Variants in UNC13C observed in about 807,000 individuals in gnomAD.
UNC13C encodes the protein protein unc-13 homolog C.
A neutral mutation model predicts 245.4 loss-of-function variants in UNC13C; 174 were observed. The ratio of observed to expected loss-of-function variants is 0.71; its 90% CI spans 0.63 to 0.80. UNC13C has a LOEUF of 0.80. UNC13C is among the 30% of genes least tolerant of loss of function. The probability of loss-of-function intolerance (pLI) is 0.00; values close to 1 mark genes in which losing one functional copy is unlikely to be tolerated. For synonymous variants in UNC13C, 992 were observed against 895.1 expected (o/e 1.11, Z -1.93); for missense variants, 2,829 against 2,602.9 (o/e 1.09, Z -1.89).
At chr15:53,982,231 C>T (rs1374530549) in intron 1 of UNC13C, among the ~76,000 whole-genome samples, 1 of 152,156 alleles carries the variant, frequency 6.6e-6, no homozygotes, top group Non-Finnish European at 1.5e-5. Flanking sequence ...CAGGATAAAA[C>T]ATACTTTGTT....
chr15:54,535,927 A>G (rs971510290), intron 26 of UNC13C, among the ~76,000 whole-genome samples: 2 of 152,126 alleles, frequency 1.3e-5, no homozygotes, highest in Non-Finnish European at 2.9e-5. Flanking sequence ...AAAAGCTAGG[A>G]AAACAAGAGT....
At chr15:53,980,896 A>G (rs17551796) in intron 1 of UNC13C, among the ~76,000 whole-genome samples, 52,507 of 152,032 alleles carry the variant, frequency 0.35, 10,871 homozygotes, top group Middle Eastern at 0.49. Context: ...ATGTGAAGCA[A>G]TATAGTTTGT....
the UNC13C span, among the ~76,000 whole-genome samples, chr15:53,962,224 C>T: frequency 6.6e-6 from 1 of 152,070 alleles, no homozygotes; most frequent in Non-Finnish European, 1.5e-5. Context: ...AAGCATTTTG[C>T]TGGCTTACAG....
chr15:54,392,591 T>TA (rs2039980770), intron 17 of UNC13C, among the ~76,000 whole-genome samples: 1 of 151,922 alleles, frequency 6.6e-6, no homozygotes, highest in African/African-American at 2.4e-5. Flanking sequence ...ACTGCTGATG[T>TA]AACTTTGAGC....
chr15:54,486,276 C>G (rs181286409), intron 19 of UNC13C, among the ~76,000 whole-genome samples: 4 of 150,928 alleles, frequency 2.7e-5, no homozygotes, highest in African/African-American at 9.8e-5. Flanking sequence ...CACACACACA[C>G]ACACACACAC....
At chr15:54,119,401 A>G (rs927674051) in intron 2 of UNC13C, among the ~76,000 whole-genome samples, 16 of 152,026 alleles carry the variant, frequency 1.1e-4, no homozygotes, top group African/African-American at 3.4e-4. Flanking sequence ...TACTATTGTA[A>G]TTGTTTTGGA....
chr15:54,632,375 T>A (rs2141333491), downstream of UNC13C: 1 of 152,296 alleles, frequency 6.6e-6, no homozygotes, highest in Middle Eastern at 3.4e-3. Context: ...CTTTTATAGA[T>A]CATAGCTTTG....
intron 19 of UNC13C, among the ~76,000 whole-genome samples, chr15:54,455,228 T>C (rs1891438872): frequency 8.5e-6 from 1 of 118,090 alleles, no homozygotes; most frequent in African/African-American, 2.9e-5. Context: ...TATATATATA[T>C]ATATATATAT....
intron 2 of UNC13C, among the ~76,000 whole-genome samples, chr15:54,140,472 G>A (rs752145551): frequency 3.9e-5 from 6 of 152,148 alleles, no homozygotes; most frequent in African/African-American, 7.2e-5. Flanking sequence ...TGCAGATAAG[G>A]AAACTGGCAA....
chr15:54,072,435 C>G (rs181749536), intron 2 of UNC13C, among the ~76,000 whole-genome samples: 1 of 152,148 alleles, frequency 6.6e-6, no homozygotes, highest in Non-Finnish European at 1.5e-5. Context: ...TGAGGCTGTC[C>G]TTTGCACTCT....
upstream of UNC13C, among the ~76,000 whole-genome samples, chr15:53,974,538 C>T (rs1893638236): frequency 6.6e-6 from 1 of 152,206 alleles, no homozygotes; most frequent in African/African-American, 2.4e-5. Flanking sequence ...AGTTAGCATA[C>T]TGTATAATAA....
At chr15:53,994,292 C>A (rs1046781768) in intron 1 of UNC13C, among the ~76,000 whole-genome samples, 1 of 151,478 alleles carries the variant, frequency 6.6e-6, no homozygotes. Flanking sequence ...TTGCAGAAAA[C>A]TTTAAAAGAT....
chr15:54,620,175 A>T (rs776601936), intron 30 of UNC13C, among the ~76,000 whole-genome samples: 2 of 152,170 alleles, frequency 1.3e-5, no homozygotes, highest in African/African-American at 4.8e-5. Context: ...GAGGTTTCAG[A>T]AAAGTGTTCA....
At chr15:54,624,611 G>A (rs1901021111) in intron 32 of UNC13C, among the ~76,000 whole-genome samples, 1 of 152,088 alleles carries the variant, frequency 6.6e-6, no homozygotes, top group Non-Finnish European at 1.5e-5. Context: ...TGTTTGCTGT[G>A]TACAGAAATA....
At chr15:54,006,860 G>T (rs537674662) in intron 1 of UNC13C, among the ~76,000 whole-genome samples, 1 of 152,212 alleles carries the variant, frequency 6.6e-6, no homozygotes, top group South Asian at 2.1e-4. Flanking sequence ...GTTTGGAGGA[G>T]CCTGCTTATA....
chr15:53,849,479 G>A, the UNC13C span, among the ~76,000 whole-genome samples: 1 of 151,860 alleles, frequency 6.6e-6, no homozygotes, highest in African/African-American at 2.4e-5. Context: ...TATACTTTAA[G>A]TCCATTCTAC....
chr15:54,155,677 A>G (rs748154750), intron 4 of UNC13C, among the ~76,000 whole-genome samples: 4 of 152,230 alleles, frequency 2.6e-5, no homozygotes, highest in Non-Finnish European at 5.9e-5. Context: ...TTCTGTTACA[A>G]TATGGGATAA....
intron 4 of UNC13C, among the ~76,000 whole-genome samples, chr15:54,166,865 A>C (rs1377716297): frequency 6.6e-6 from 1 of 152,214 alleles, no homozygotes; most frequent in African/African-American, 2.4e-5. Context: ...TTGCTATGTT[A>C]GTGGATTAGA....
In UNC13C at chr15:54,507,153, G is replaced by A. The variant is rs1205117691; in HGVS notation, c.5338G>A (p.Val1780Ile). The part of the protein sequence containing the change: ...NKVLLQYAAI[V>I]SSDFSSHCDK... ...AGTGCTGCTCCAGTATGCTGCAATT[G>A]TATCAAGTGATTTCAGTTCACATTG... The change falls in exon 23 of 33, where the codon GTA becomes ATA. Residue 1780 changes from valine (V) to isoleucine (I), a missense_variant. Physicochemically the swap from Val to Ile is conservative, Grantham distance 29. Coordinates refer to ENST00000260323, the MANE Select transcript of UNC13C (RefSeq NM_001080534.3). 3.1e-6 allele frequency: 5 copies of A among 1,599,768 alleles called. No individual in the cohort carries two copies. Among genetic ancestry groups the A allele is most frequent in the Non-Finnish European group, 4.3e-6 (5 of 1,172,154 alleles).
Sources: gnomAD v4.1 joint callset for allele counts (sites outside exome capture counted in the v4.1 genomes callset) on GRCh38, gnomAD v4.1.1 for gene constraint, MANE v1.5 for transcripts, NCBI Gene and HGNC (gene_info 2026-07-23, HGNC 2026-07-21) for gene names.